The following PLCG1 variants were observed in gnomAD, a reference collection of about 807,000 sequenced individuals.
PLCG1 encodes the protein phospholipase C gamma 1.
PLCG1 carries 71 observed loss-of-function variants against 177.8 expected under a neutral mutation model. That is an observed-to-expected ratio of 0.40 (90% CI 0.33 to 0.49). The LOEUF (loss-of-function observed/expected upper bound fraction) is 0.49, where lower values mean the gene tolerates loss of function less well. Among genes scored for constraint, PLCG1 ranks in the 20% least tolerant of loss-of-function variants. PLCG1 has a pLI of 0.72. For missense variants in PLCG1, 1,281 were observed against 1,709.0 expected (o/e 0.75, Z 4.42); for synonymous variants, 658 against 647.9 (o/e 1.02, Z -0.24).
At position 41,156,046 on chromosome 20, in the gene PLCG1, G is replaced by C. The variant is rs959654807; in HGVS notation, c.218-3560G>C. Among the ~76,000 whole-genome samples the C allele has an allele frequency of 2.6e-5, 4 of 152,264 alleles. No homozygotes were observed. Among genetic ancestry groups the C allele is most frequent in the Non-Finnish European group, 5.9e-5 (4 of 68,008 alleles). On this transcript the variant is annotated intron_variant, in intron 1 of 31. Transcript: ENST00000685551. This position sits in a 1 kb window ranked among gnomAD's most constrained non-coding sequence, Gnocchi z 5.0. ...AGCAAGGCCCCAGGATTCTGCCTGG[G>C]GCACCAGGAAGCCTGGCTTATGAGA...
Position 41,163,561 on chromosome 20 carries a change from C to A in PLCG1, c.891+82C>A. 8.8e-7 allele frequency: 1 copy of A among 1,142,396 alleles called. No individual in the cohort carries two copies. The highest frequency in any genetic ancestry group is 1.3e-6 in the Non-Finnish European group (1 of 756,508). 70.8% of individuals were successfully genotyped at this position (1,142,396 alleles called of 1,614,324 possible). ...CCCCACCCGGGCTCCAGGAGCTAGA[C>A]GCTCCTTAGGGATGCCACCTTGTTT... is the stretch of plus-strand genomic sequence containing the variant. On this transcript the variant is annotated intron_variant, in intron 9 of 31. Transcript: ENST00000685551. This position sits in a 1 kb window ranked among gnomAD's most constrained non-coding sequence, Gnocchi z 5.2.
Position 41,137,677 on chromosome 20 carries a change from C to T in PLCG1, c.36C>T (p.Cys12=), listed in dbSNP as rs2034642291. Residue 12 remains cysteine (C), a synonymous_variant, in exon 1 of 32, where the codon TGC becomes TGT. Transcript: ENST00000685551. The surrounding 1 kb of genome is among the most constrained non-coding windows in gnomAD (Gnocchi z 7.3). ...AGAASPCANG[C]GPGAPSDAEV... is the part of the protein sequence containing the mutation. Reference sequence around the variant, plus strand: ...CCGCGTCCCCTTGCGCCAACGGCTGCGGGCCCGGCGCGCCCTCGGACGCCG... The same window carrying T: ...CCGCGTCCCCTTGCGCCAACGGCTGTGGGCCCGGCGCGCCCTCGGACGCCG... 4 of 1,319,842 alleles carry T rather than the reference C, an allele frequency of 3.0e-6. No homozygotes were observed. The highest frequency in any genetic ancestry group is 3.9e-6 in the Non-Finnish European group (4 of 1,034,178). The allele number at this position is 1,319,842 out of a possible 1,614,324, so 81.8% of individuals were successfully genotyped here.
At position 41,172,050 on chromosome 20, in the gene PLCG1, G is replaced by T. The variant is rs1600676178; in HGVS notation, c.2809-143G>T. ...GACAGAGCTCCCTCATTTACTGTTG[G>T]GTGTGGTGTCTGGAAGGTACAGGGG... On this transcript the variant is annotated intron_variant, in intron 24 of 31. Coordinates refer to ENST00000685551, the MANE Select transcript of PLCG1 (RefSeq NM_002660.3). The surrounding 1 kb of genome is among the most constrained non-coding windows in gnomAD (Gnocchi z 7.0). The T allele has an allele frequency of 2.8e-6, 2 of 707,858 alleles. No individual in the cohort carries two copies. Among genetic ancestry groups the T allele is most frequent in the East Asian group, 4.9e-5 (2 of 40,530 alleles). The allele number at this position is 707,858 out of a possible 1,614,324, so 43.8% of individuals were successfully genotyped here.
chr20:41,158,370 G>C (rs1284623946), intron 1 of PLCG1, among the ~76,000 whole-genome samples: 1 of 152,150 alleles, frequency 6.6e-6, no homozygotes, highest in Non-Finnish European at 1.5e-5. Flanking sequence ...TCAGAGCTTG[G>C]GGAGTACTCA....
chr20:41,166,093 T>G lies in PLCG1; in HGVS notation c.1800-101T>G. The G allele has an allele frequency of 9.5e-7, 1 of 1,055,802 alleles. No homozygotes were observed. Among genetic ancestry groups the G allele is most frequent in the Non-Finnish European group, 1.4e-6 (1 of 719,926 alleles). The allele number at this position is 1,055,802 out of a possible 1,614,324, so 65.4% of individuals were successfully genotyped here. On this transcript the variant is annotated intron_variant, in intron 16 of 31. Transcript: ENST00000685551. The surrounding 1 kb of genome is among the most constrained non-coding windows in gnomAD (Gnocchi z 8.6). ...TCCTCAGGAGATTGGCCTCCCTCCT[T>G]GAGGCTCCCTCCTTGAGTTCCACCC...
rs1342361981 is a variant in PLCG1 at position 41,163,787 on chromosome 20, A to G, written c.964A>G (p.Met322Val). 10 of 1,613,882 alleles carry G rather than the reference A, an allele frequency of 6.2e-6. No homozygotes were observed. The highest frequency in any genetic ancestry group is 8.5e-6 in the Non-Finnish European group (10 of 1,179,886). Residue 322 changes from methionine to valine, a missense_variant, in exon 10 of 32, where the codon ATG becomes GTG. Transcript: ENST00000685551. The surrounding 1 kb of genome is among the most constrained non-coding windows in gnomAD (Gnocchi z 5.2). ...SQLDAVCPDT[M>V]NNPLSHYWIS... ...GCTGGATGCAGTATGCCCGGACACC[A>G]TGAACAACCCTCTTTCCCACTACTG...
chr20:41,147,122 TC>T lies in PLCG1; in HGVS notation c.217+9266del, dbSNP rs1040602810. Among the ~76,000 whole-genome samples, 2 of 152,222 alleles carry T rather than the reference TC, an allele frequency of 1.3e-5. No homozygotes were observed. The highest frequency in any genetic ancestry group is 4.8e-5 in the African/African-American group (2 of 41,454). ...ACCTGTTTGGAGGCAGCTCCCCTCT[TC>T]CTGCCCTAGTCACTTCCTCCACCTT... On this transcript the variant is annotated intron_variant, in intron 1 of 31. Transcript: ENST00000685551. The surrounding 1 kb of genome is among the most constrained non-coding windows in gnomAD (Gnocchi z 4.0).
In PLCG1 at chr20:41,137,755, C is replaced by A; in HGVS notation, c.114C>A (p.Phe38Leu). ...SLEVGTVMTL[F>L]YSKKSQRPER... ...AGGTGGGCACCGTCATGACTTTGTT[C>A]TACTCCAAGAAGTCGCAGCGACCCG... Residue 38 changes from phenylalanine (F) to leucine (L), a missense_variant, in exon 1 of 32, where the codon TTC becomes TTA. Around this residue, in one of 4 missense-constraint regions of PLCG1, gnomAD observed 374 missense variants for 443.8 expected, o/e 0.84. Coordinates refer to ENST00000685551, the MANE Select transcript of PLCG1 (RefSeq NM_002660.3). The surrounding 1 kb of genome is among the most constrained non-coding windows in gnomAD (Gnocchi z 7.3). The A allele has an allele frequency of 1.5e-6, 2 of 1,292,872 alleles. No homozygotes were observed. The highest frequency in any genetic ancestry group is 2.0e-6 in the Non-Finnish European group (2 of 1,013,686). 80.1% of individuals were successfully genotyped at this position (1,292,872 alleles called of 1,614,324 possible). A position where few individuals can be genotyped will look rare whatever the true frequency, so the allele number is the denominator to read the frequency against.
At chr20:41,152,728 A>T (rs2035202787) in intron 1 of PLCG1, among the ~76,000 whole-genome samples, 1 of 152,256 alleles carries the variant, frequency 6.6e-6, no homozygotes, top group African/African-American at 2.4e-5. Context: ...GAGAAGAGTC[A>T]AATGTGGTTT....
Position 41,172,466 on chromosome 20 carries a change from C to T in PLCG1, c.2951C>T (p.Pro984Leu), listed in dbSNP as rs1413662803. 2 of 1,614,182 alleles carry T rather than the reference C, an allele frequency of 1.2e-6. No homozygotes were observed. Among genetic ancestry groups the T allele is most frequent in the South Asian group, 1.1e-5 (1 of 91,084 alleles). ...RACYRDMSSF[P>L]ETKAEKYVNK... ...TGCTACCGGGACATGTCATCCTTCC[C>T]GGAAACCAAGGCTGAGAAATACGTG... Residue 984 changes from proline to leucine, a missense_variant, in exon 26 of 32, where the codon CCG becomes CTG. By Grantham distance (98) the Pro-to-Leu change is moderately conservative (BLOSUM62 -3). Coordinates refer to ENST00000685551, the MANE Select transcript of PLCG1 (RefSeq NM_002660.3). This position sits in a 1 kb window ranked among gnomAD's most constrained non-coding sequence, Gnocchi z 7.0.
intron 21 of PLCG1, 99 bp downstream of exon 21, chr20:41,168,969 A>C (rs761980971): frequency 3.5e-6 from 4 of 1,145,738 alleles, no homozygotes; most frequent in Non-Finnish European, 5.3e-6. Flanking sequence ...TGTGTGCACC[A>C]GCAGTGCCTG....
In PLCG1 at chr20:41,168,684, CAT is replaced by C. The variant is rs1162461319; in HGVS notation, c.2380-82_2380-81del. 1.7e-4 allele frequency: 135 copies of C among 811,018 alleles called. 1 individual carries two copies. The highest frequency in any genetic ancestry group is 1.2e-3 in the South Asian group (85 of 68,560). 50.2% of individuals were successfully genotyped at this position (811,018 alleles called of 1,614,324 possible). A position where few individuals can be genotyped will look rare whatever the true frequency, so the allele number is the denominator to read the frequency against. ...GACCCCAGGCAGGGAAGCCCAAGCA[CAT>C]GTGTGTGTGCACATGAAGCCCCAGG... On this transcript the variant is annotated intron_variant, in intron 20 of 31. Coordinates refer to ENST00000685551, the MANE Select transcript of PLCG1 (RefSeq NM_002660.3).
At chr20:41,161,574 T>C (rs1228655638) in intron 4 of PLCG1, among the ~76,000 whole-genome samples, 1 of 152,148 alleles carries the variant, frequency 6.6e-6, no homozygotes, top group Non-Finnish European at 1.5e-5. Context: ...CCTGGGTGAC[T>C]GAGGATCAGA....
Position 41,173,609 on chromosome 20 carries a change from C to T in PLCG1, c.3395-43C>T. The stretch of plus-strand genomic sequence containing the variant: ...GCCTCTCCCCACCAGTCATCCCATC[C>T]TCTCCCACGGTGACCTGAAGCCTTT... On this transcript the variant is annotated intron_variant, in intron 28 of 31. Transcript: ENST00000685551. This position sits in a 1 kb window ranked among gnomAD's most constrained non-coding sequence, Gnocchi z 6.2. The T allele has an allele frequency of 6.2e-7, 1 of 1,614,090 alleles. No individual in the cohort carries two copies. The highest frequency in any genetic ancestry group is 8.5e-7 in the Non-Finnish European group (1 of 1,179,992).
At chr20:41,155,249 A>G (rs552586731) in intron 1 of PLCG1, among the ~76,000 whole-genome samples, 1 of 152,312 alleles carries the variant, frequency 6.6e-6, no homozygotes, top group African/African-American at 2.4e-5. Flanking sequence ...AACAAAACAC[A>G]CATGAATCTG....
rs1240647601 is a variant in PLCG1 at position 41,174,861 on chromosome 20, CAAGGAGCT to C, written c.*354_*361del. 1.5e-5 allele frequency: 4 copies of C among 274,832 alleles called. No homozygotes were observed. The highest frequency in any genetic ancestry group is 8.8e-5 in the African/African-American group (4 of 45,300). 17.0% of individuals were successfully genotyped at this position (274,832 alleles called of 1,614,324 possible). Reference sequence around the variant, plus strand: ...CCTCAGCCAGTGGCACAGGAGACTCCAAGGAGCTACTGACATTCCTAAGAGTGGAGGAG... The same window carrying C: ...CCTCAGCCAGTGGCACAGGAGACTCCACTGACATTCCTAAGAGTGGAGGAG... On this transcript the variant is annotated 3_prime_UTR_variant, in exon 32 of 32. Coordinates refer to ENST00000685551, the MANE Select transcript of PLCG1 (RefSeq NM_002660.3). This position sits in a 1 kb window ranked among gnomAD's most constrained non-coding sequence, Gnocchi z 5.8.
Position 41,173,295 on chromosome 20 carries a change from C to A in PLCG1, c.3280-125C>A. The A allele has an allele frequency of 2.2e-6, 2 of 928,916 alleles. No individual in the cohort carries two copies. Among genetic ancestry groups the A allele is most frequent in the Non-Finnish European group, 3.2e-6 (2 of 625,904 alleles). The allele number at this position is 928,916 out of a possible 1,614,324, so 57.5% of individuals were successfully genotyped here. On this transcript the variant is annotated intron_variant, in intron 27 of 31. Transcript: ENST00000685551. This position sits in a 1 kb window ranked among gnomAD's most constrained non-coding sequence, Gnocchi z 6.2. Reference sequence around the variant, plus strand: ...CTGATGTCGTGAGGGACTCCATGGGCAGTGTCCCGGGGGCCCAGCAGAGGG... The same window carrying A: ...CTGATGTCGTGAGGGACTCCATGGGAAGTGTCCCGGGGGCCCAGCAGAGGG...
At chr20:41,169,390 C>T (rs2035819150) in intron 22 of PLCG1, 67 bp from the exon 23 acceptor site, 1 of 1,254,660 alleles carries the variant, frequency 8.0e-7, no homozygotes, top group Non-Finnish European at 1.2e-6. Context: ...GTCCCATGCA[C>T]ACGGATATCC....
rs145781021 is a variant in PLCG1, at chr20:41,162,548, C to T, written c.597+12C>T. On this transcript the variant is annotated intron_variant, in intron 5 of 31. Transcript: ENST00000685551. ...GAGAGCGGCTGACGGTAAGTGCCAC[C>T]CAGGGCTGTCTGTAGATGGGGGCAG... The T allele has an allele frequency of 6.2e-7, 1 of 1,613,064 alleles. No homozygotes were observed. Among genetic ancestry groups the T allele is most frequent in the African/African-American group, 1.3e-5 (1 of 74,820 alleles).
Sources: allele counts gnomAD v4.1 joint callset (sites outside exome capture counted in the v4.1 genomes callset), GRCh38; gene constraint gnomAD v4.1.1; regional missense constraint gnomAD v4.1.1; non-coding constraint Gnocchi (gnomAD v3.1); transcripts MANE v1.5; gene names NCBI Gene and HGNC (gene_info 2026-07-23, HGNC 2026-07-21).